The following AK9 variants were observed in gnomAD, a reference collection of about 807,000 sequenced individuals.
The protein encoded by AK9 is adenylate kinase 9.
AK9 carries 191 observed loss-of-function variants against 239.6 expected under a neutral mutation model. The observed-to-expected ratio is 0.80, with a 90% CI of 0.71 to 0.90. AK9 has a LOEUF of 0.90. Ranked by LOEUF, AK9 falls within the 40% of genes least tolerant of loss-of-function variation. The pLI is 0.00. For synonymous variants in AK9, 689 were observed against 721.0 expected, an observed-to-expected ratio of 0.96 and a Z score of 0.71; for missense variants, 1,995 against 2,214.7, an observed-to-expected ratio of 0.90 and a Z score of 1.99.
At position 109,639,366 on chromosome 6, in the gene AK9, T is replaced by C. The variant is rs528266536; in HGVS notation, c.933+2152A>G. On this transcript the variant is annotated intron_variant, in intron 10 of 40. Transcript: ENST00000424296. ...ATTCTAACTGGTGTGAGATGGTATC[T>C]CATTGTGGTTTTGATTTGCATTTCT... Among the ~76,000 whole-genome samples the C allele has an allele frequency of 1.1e-3, 172 of 152,350 alleles. 1 individual carries two copies. The highest frequency in any genetic ancestry group is 3.9e-3 in the African/African-American group (162 of 41,582).
intron 27 of AK9, among the ~76,000 whole-genome samples, chr6:109,540,144 A>G (rs1174205063): frequency 6.6e-6 from 1 of 151,380 alleles, no homozygotes; most frequent in African/African-American, 2.5e-5. Flanking sequence ...AGACAGGGAT[A>G]TTTAAGTCTG....
Position 109,533,372 on chromosome 6 carries a change from T to C in AK9, c.3449A>G (p.Gln1150Arg). ...ATCAAAAATATCTTGATCATCAACT[T>C]GTATAAAAACAGCTGCATCTGGGAA... ...GFFPDAAVFIQVDDQDIFDRL... is the reference protein window; with the variant it reads ...GFFPDAAVFIRVDDQDIFDRL... The change falls in exon 28 of 41, where the codon CAA becomes CGA. Residue 1150 changes from glutamine (Q) to arginine (R), a missense_variant. Transcript: ENST00000424296. 6.2e-7 allele frequency: 1 copy of C among 1,611,312 alleles called. No individual in the cohort carries two copies. Among genetic ancestry groups the C allele is most frequent in the Middle Eastern group, 1.7e-4 (1 of 6,056 alleles).
intron 5 of AK9, among the ~76,000 whole-genome samples, chr6:109,663,311 T>C (rs919792294): frequency 3.9e-5 from 6 of 152,190 alleles, no homozygotes; most frequent in African/African-American, 1.4e-4. Flanking sequence ...TTTTCTCTTA[T>C]TAATAAAGTC....
chr6:109,551,257 C>T (rs1784320562), intron 24 of AK9, among the ~76,000 whole-genome samples: 1 of 152,110 alleles, frequency 6.6e-6, no homozygotes, highest in South Asian at 2.1e-4. Context: ...GGGGCTCATG[C>T]CTGTAATCCC....
chr6:109,568,875 A>G (rs1373775433), intron 21 of AK9, among the ~76,000 whole-genome samples: 2 of 152,222 alleles, frequency 1.3e-5, no homozygotes, highest in African/African-American at 2.4e-5. Context: ...TATAGATTCA[A>G]TGCCATCCCC....
chr6:109,644,691 G>A lies in AK9; in HGVS notation c.760-3C>T. 6.2e-7 allele frequency: 1 copy of A among 1,605,536 alleles called. No homozygotes were observed. The highest frequency in any genetic ancestry group is 8.5e-7 in the Non-Finnish European group (1 of 1,177,552). ...GGATTGTGTTCAGCCATTACTTCCTGCAGATAATAGAAAAGAAACTTTATA... is the reference window on the plus strand; with the variant it reads ...GGATTGTGTTCAGCCATTACTTCCTACAGATAATAGAAAAGAAACTTTATA... On this transcript the variant is annotated splice_region_variant and splice_polypyrimidine_tract_variant and intron_variant, in intron 8 of 40. Transcript: ENST00000424296.
chr6:109,665,277 G>A (rs184981980), intron 5 of AK9, among the ~76,000 whole-genome samples: 28 of 152,262 alleles, frequency 1.8e-4, no homozygotes, highest in Admixed American at 1.8e-3. Context: ...CTCTTGTCTT[G>A]CTATGATCCT....
chr6:109,541,462 G>A (rs959951175), intron 27 of AK9, among the ~76,000 whole-genome samples: 2 of 152,174 alleles, frequency 1.3e-5, no homozygotes, highest in Admixed American at 6.5e-5. Context: ...CCAGGCTGGA[G>A]TGCAATGGCA....
intron 17 of AK9, among the ~76,000 whole-genome samples, chr6:109,592,888 C>T (rs1250341609): frequency 1.3e-5 from 2 of 151,950 alleles, no homozygotes; most frequent in Non-Finnish European, 2.9e-5. Context: ...GTTTTCTGAT[C>T]TTCTTATATC....
At chr6:109,667,418 C>T (rs7751458) in intron 5 of AK9, among the ~76,000 whole-genome samples, 88,555 of 151,764 alleles carry the variant, frequency 0.58, 27,484 homozygotes, top group South Asian at 0.84. Flanking sequence ...TATTTTTAAT[C>T]ATACTTTAAG....
intron 32 of AK9, 26 bp from the exon 33 acceptor site, chr6:109,509,406 A>G (rs1344653185): frequency 1.3e-6 from 2 of 1,528,966 alleles, no homozygotes; most frequent in Non-Finnish European, 1.8e-6. Flanking sequence ...CTTTTAAATT[A>G]AATTAAATGA....
Position 109,546,084 on chromosome 6 carries a change from C to T in AK9, c.3008G>A (p.Gly1003Asp), listed in dbSNP as rs773958723. The part of the protein sequence containing the change: ...RICLVGPQGS[G>D]KTMCGRQLAE... Reference sequence around the variant, plus strand: ...CAACTGTCTTCCACACATAGTTTTGCCAGAGCCCTGGGGGCCGACAAGGCA... The same window carrying T: ...CAACTGTCTTCCACACATAGTTTTGTCAGAGCCCTGGGGGCCGACAAGGCA... Residue 1003 changes from glycine (G) to aspartate (D), a missense_variant, in exon 26 of 41, where the codon GGC becomes GAC. Gly to Asp is a moderately conservative substitution (Grantham distance 94). Around this residue, in one of 5 missense-constraint regions of AK9, gnomAD observed 1,290 missense variants for 1,392.7 expected, o/e 0.93. Coordinates refer to ENST00000424296, the MANE Select transcript of AK9 (RefSeq NM_001145128.3). 2.5e-6 allele frequency: 4 copies of T among 1,611,350 alleles called. No individual in the cohort carries two copies. The highest frequency in any genetic ancestry group is 1.1e-5 in the South Asian group (1 of 90,764).
intron 32 of AK9, among the ~76,000 whole-genome samples, chr6:109,513,088 C>G (rs1778920120): frequency 6.6e-6 from 1 of 152,188 alleles, no homozygotes; most frequent in South Asian, 2.1e-4. Context: ...TGGTCCTGAA[C>G]TCCTGGGCTC....
intron 24 of AK9, 141 bp from the exon 25 acceptor site, chr6:109,550,443 TTTAA>T (rs1227685980): frequency 3.2e-6 from 2 of 629,490 alleles, no homozygotes; most frequent in African/African-American, 1.9e-5. Flanking sequence ...CTTATATTAT[TTTAA>T]TTAATTAAAA....
chr6:109,621,953 C>CAAAAAAAAAAAAAAA (rs376483185), intron 12 of AK9, among the ~76,000 whole-genome samples: 1 of 79,474 alleles, frequency 1.3e-5, no homozygotes, highest in African/African-American at 5.3e-5. Context: ...GCAAAAAAAA[C>CAAAAAAAAAAAAAAA]AAAAAAAAAA....
At position 109,563,941 on chromosome 6, in the gene AK9, T is replaced by A. The variant is rs78661055; in HGVS notation, c.2635+139A>T. ...TTGGTCAGGACCTGCACAGTGATAG[T>A]TGCTAAGTATTTTATACATCAGCCT... On this transcript the variant is annotated intron_variant, in intron 23 of 40. Coordinates refer to ENST00000424296, the MANE Select transcript of AK9 (RefSeq NM_001145128.3). 3.4e-3 allele frequency: 3,519 copies of A among 1,048,472 alleles called. 98 individuals are homozygous for A. The African/African-American group carries it at 0.051, about 15-fold the overall frequency. 64.9% of individuals were successfully genotyped at this position (1,048,472 alleles called of 1,614,324 possible).
rs73762781 is a variant in AK9 at position 109,675,662 on chromosome 6, G to A, written c.84C>T (p.Ser28=). ...EDETERNFLL[S]KPVCFVVFGK... is the part of the protein sequence containing the mutation. ...CAAATACAACAAAGCAAACAGGTTT[G>A]GACAACAAAAAATTCCTTTCAGTTT... is the stretch of plus-strand genomic sequence containing the variant. The change falls in exon 2 of 41, where the codon TCC becomes TCT. Residue 28 remains serine, a synonymous_variant. Transcript: ENST00000424296. 5 of 1,590,260 alleles carry A rather than the reference G, an allele frequency of 3.1e-6. No individual in the cohort carries two copies. The African/African-American group carries it at 4.1e-5, about 13-fold the overall frequency.
chr6:109,676,853 A>G (rs1026725891), intron 1 of AK9, among the ~76,000 whole-genome samples: 14 of 152,164 alleles, frequency 9.2e-5, no homozygotes, highest in Non-Finnish European at 1.8e-4. Flanking sequence ...CTCAATGCCC[A>G]TCAGTGGTAG....
chr6:109,662,328 G>A (rs1021413912), intron 6 of AK9, among the ~76,000 whole-genome samples: 68 of 152,188 alleles, frequency 4.5e-4, no homozygotes, highest in Admixed American at 1.7e-3. Context: ...GACTTTCAAA[G>A]GATGGCTATG....
Sources: gnomAD v4.1 joint callset for allele counts (sites outside exome capture counted in the v4.1 genomes callset) on GRCh38, gnomAD v4.1.1 for gene constraint, gnomAD v4.1.1 regional missense constraint, MANE v1.5 for transcripts, NCBI Gene and HGNC (gene_info 2026-07-23, HGNC 2026-07-21) for gene names.